ERGIC1: variants seen among roughly 807,000 people sequenced by gnomAD.
ERGIC1 encodes the protein endoplasmic reticulum-golgi intermediate compartment 1.
A neutral mutation model predicts 38.3 loss-of-function variants in ERGIC1; 19 were observed. That is an observed-to-expected ratio of 0.50 (90% CI 0.35 to 0.73). The LOEUF is 0.73. ERGIC1 is among the 30% of genes least tolerant of loss of function. The probability of loss-of-function intolerance (pLI) is 0.01; values close to 1 mark genes in which losing one functional copy is unlikely to be tolerated. For synonymous variants in ERGIC1, 124 were observed against 157.6 expected (o/e 0.79, Z 1.60); for missense variants, 294 against 389.2 (o/e 0.76, Z 2.06).
intron 3 of ERGIC1, among the ~76,000 whole-genome samples, chr5:172,905,876 C>G (rs997146985): frequency 6.6e-6 from 1 of 152,228 alleles, no homozygotes; most frequent in African/African-American, 2.4e-5. Context: ...GTCCCTCCCC[C>G]TGTGCTCTCA....
intron 5 of ERGIC1, among the ~76,000 whole-genome samples, chr5:172,919,739 G>A (rs369223561): frequency 6.6e-6 from 1 of 152,170 alleles, no homozygotes; most frequent in African/African-American, 2.4e-5. Context: ...CTCATCTCCC[G>A]TCAGTGCAAA....
Position 172,837,062 on chromosome 5 carries a change from G to A in ERGIC1, c.20+2629G>A, listed in dbSNP as rs898350632. On this transcript the variant is annotated intron_variant, in intron 1 of 9. Transcript: ENST00000393784. The surrounding 1 kb of genome is among the most constrained non-coding windows in gnomAD (Gnocchi z 4.3). ...TCAGCTCTTTTAAGAATTGTGGGGA[G>A]TGGAGAGGGGTATACCGTGATTAGA... Among the ~76,000 whole-genome samples, 2 of 152,114 alleles carry A rather than the reference G, an allele frequency of 1.3e-5. No individual in the cohort carries two copies. The highest frequency in any genetic ancestry group is 2.9e-5 in the Non-Finnish European group (2 of 68,018).
chr5:172,867,137 T>C (rs1345074289), intron 1 of ERGIC1: 1 of 451,366 alleles, frequency 2.2e-6, no homozygotes, highest in East Asian at 7.0e-5. Flanking sequence ...AAGCCAAGGG[T>C]TTGAGTTCCA....
rs538834519 is a variant in ERGIC1 at position 172,897,303 on chromosome 5, C to T, written c.155+229C>T. Among the ~76,000 whole-genome samples the T allele has an allele frequency of 3.9e-5, 6 of 152,062 alleles. No individual in the cohort carries two copies. In the South Asian group the frequency reaches 1.0e-3, roughly 26 times the overall value. On this transcript the variant is annotated intron_variant, in intron 3 of 9. Coordinates refer to ENST00000393784, the MANE Select transcript of ERGIC1 (RefSeq NM_001031711.3). ...AATTAGCTGGGCGTGGTGGCGGGCACCTATAATCCCAGCTACTGGGGAGGC... is the reference window on the plus strand; with the variant it reads ...AATTAGCTGGGCGTGGTGGCGGGCATCTATAATCCCAGCTACTGGGGAGGC...
intron 3 of ERGIC1, among the ~76,000 whole-genome samples, chr5:172,907,492 A>T (rs1188804964): frequency 6.6e-6 from 1 of 151,938 alleles, no homozygotes; most frequent in African/African-American, 2.4e-5. Context: ...CGGGAGGCGG[A>T]GGTTGCAGTG....
intron 9 of ERGIC1, among the ~76,000 whole-genome samples, chr5:172,938,739 C>G (rs909584315): frequency 7.3e-6 from 1 of 136,520 alleles, no homozygotes; most frequent in Admixed American, 8.1e-5. Context: ...GGTACCAGAG[C>G]GAGACTCTAT....
intron 3 of ERGIC1, among the ~76,000 whole-genome samples, chr5:172,907,378 T>A (rs71611157): frequency 0.17 from 25,841 of 152,008 alleles, 2,476 homozygotes; most frequent in Non-Finnish European, 0.21. Context: ...GCCAACCTGG[T>A]GAAACCCCAC....
At chr5:172,924,161 T>C in intron 6 of ERGIC1, 52 bp downstream of exon 6, 9 of 1,534,432 alleles carry the variant, frequency 5.9e-6, no homozygotes, top group Non-Finnish European at 8.1e-6. Context: ...CTTCAGGGGC[T>C]CTGTCACCCA....
chr5:172,858,964 TG>T (rs984162545), intron 1 of ERGIC1, among the ~76,000 whole-genome samples: 16 of 152,344 alleles, frequency 1.1e-4, no homozygotes, highest in African/African-American at 3.8e-4. Flanking sequence ...GGCCTGTGGC[TG>T]GGGGAGCTGT....
chr5:172,862,369 G>A (rs1287006408), intron 1 of ERGIC1, among the ~76,000 whole-genome samples: 1 of 145,940 alleles, frequency 6.9e-6, no homozygotes, highest in Admixed American at 7.0e-5. Flanking sequence ...AGGAAGTGCA[G>A]TAGAGGAAAA....
At chr5:172,884,372 G>T (rs1478963523) in intron 1 of ERGIC1, among the ~76,000 whole-genome samples, 1 of 151,012 alleles carries the variant, frequency 6.6e-6, no homozygotes, top group Admixed American at 6.6e-5. Context: ...CTCTTGAGTA[G>T]CTAGGACTAT....
chr5:172,879,458 G>A (rs1762228177), intron 1 of ERGIC1, among the ~76,000 whole-genome samples: 1 of 152,196 alleles, frequency 6.6e-6, no homozygotes, highest in Non-Finnish European at 1.5e-5. Context: ...CTAGAGACGT[G>A]GATTTGGCAC....
intron 4 of ERGIC1, among the ~76,000 whole-genome samples, chr5:172,913,331 T>C (rs1763257761): frequency 6.6e-6 from 1 of 152,266 alleles, no homozygotes; most frequent in South Asian, 2.1e-4. Context: ...TGAGCAGCTT[T>C]GCACACACAT....
At chr5:172,929,456 A>G (rs1254101974) in intron 7 of ERGIC1, among the ~76,000 whole-genome samples, 1 of 152,224 alleles carries the variant, frequency 6.6e-6, no homozygotes, top group East Asian at 1.9e-4. Flanking sequence ...AGGAATGGTC[A>G]GCTCACAAGG....
At chr5:172,891,811 C>T (rs1389673146) in intron 2 of ERGIC1, among the ~76,000 whole-genome samples, 1 of 152,140 alleles carries the variant, frequency 6.6e-6, no homozygotes, top group African/African-American at 2.4e-5. Context: ...ACTGTTCTTC[C>T]CCTGCCTTTC....
At chr5:172,874,605 C>G (rs1335311350) in intron 1 of ERGIC1, among the ~76,000 whole-genome samples, 1 of 152,032 alleles carries the variant, frequency 6.6e-6, no homozygotes, top group African/African-American at 2.4e-5. Context: ...AACTCAACAT[C>G]AGGGAGTGAT....
Position 172,910,520 on chromosome 5 carries a change from C to CTTTTTTTTTT in ERGIC1, c.250+771_250+780dup, listed in dbSNP as rs58360974. ...TTTTAACCAAAAGAATGAATTACTT[C>CTTTTTTTTTT]TTTTTTTTTTTTTTTTTTTTTGAGA... On this transcript the variant is annotated intron_variant, in intron 4 of 9. Coordinates refer to ENST00000393784, the MANE Select transcript of ERGIC1 (RefSeq NM_001031711.3). Among the ~76,000 whole-genome samples, 225 of 138,958 alleles carry CTTTTTTTTTT rather than the reference C, an allele frequency of 1.6e-3. 3 individuals are homozygous for CTTTTTTTTTT. The highest frequency in any genetic ancestry group is 6.2e-3 in the African/African-American group (219 of 35,474). 91.2% of individuals were successfully genotyped at this position (138,958 alleles called of 152,430 possible).
intron 1 of ERGIC1, among the ~76,000 whole-genome samples, chr5:172,835,114 A>G (rs1398606254): frequency 6.6e-6 from 1 of 152,152 alleles, no homozygotes; most frequent in Non-Finnish European, 1.5e-5. Flanking sequence ...CAGCTGCCTC[A>G]TGGTCTAGGT....
At chr5:172,918,670 A>G (rs1763435174) in intron 5 of ERGIC1, among the ~76,000 whole-genome samples, 1 of 152,204 alleles carries the variant, frequency 6.6e-6, no homozygotes, top group African/African-American at 2.4e-5. Context: ...TGATGAGGAG[A>G]GAAGGGGCCG....
Sources: allele counts gnomAD v4.1 joint callset (sites outside exome capture counted in the v4.1 genomes callset), GRCh38; gene constraint gnomAD v4.1.1; non-coding constraint Gnocchi (gnomAD v3.1); transcripts MANE v1.5; gene names NCBI Gene and HGNC (gene_info 2026-07-23, HGNC 2026-07-21).